ALK: variants seen among roughly 807,000 people sequenced by gnomAD.
ALK encodes ALK receptor tyrosine kinase, also known as ALK tyrosine kinase receptor.
Under a neutral mutation model 163.1 loss-of-function variants are expected in ALK, and 74 were observed. That is an observed-to-expected ratio of 0.45 (90% CI 0.38 to 0.55). The LOEUF is 0.55. ALK is among the 20% of genes least tolerant of loss of function. ALK has a pLI of 0.00. For missense variants in ALK, 2,063 were observed against 2,105.3 expected, an observed-to-expected ratio of 0.98 and a Z score of 0.39; for synonymous variants, 960 against 843.2, an observed-to-expected ratio of 1.14 and a Z score of -2.40.
chr2:29,638,960 T>A (rs753158221), intron 3 of ALK, among the ~76,000 whole-genome samples: 25 of 152,274 alleles, frequency 1.6e-4, no homozygotes, highest in African/African-American at 5.3e-4. Flanking sequence ...TTGCTCCTGC[T>A]CTCTTAGACA....
chr2:29,816,534 T>A (rs902637383), intron 1 of ALK, among the ~76,000 whole-genome samples: 1 of 152,068 alleles, frequency 6.6e-6, no homozygotes, highest in African/African-American at 2.4e-5. Context: ...TCTAAAAGTG[T>A]TTACTAATTA....
chr2:29,499,704 G>A (rs1447524594), intron 4 of ALK, among the ~76,000 whole-genome samples: 1 of 151,756 alleles, frequency 6.6e-6, no homozygotes, highest in Non-Finnish European at 1.5e-5. Context: ...TTTCTCCCCG[G>A]GTGGACTCAT....
intron 23 of ALK, among the ~76,000 whole-genome samples, chr2:29,216,905 T>C (rs1235742569): frequency 6.2e-5 from 9 of 144,612 alleles, no homozygotes; most frequent in African/African-American, 1.8e-4. Context: ...TGTGAGTATA[T>C]GTGGTATATG....
chr2:29,807,086 A>T (rs576565771), intron 1 of ALK, among the ~76,000 whole-genome samples: 9 of 152,366 alleles, frequency 5.9e-5, no homozygotes, highest in African/African-American at 1.9e-4. Flanking sequence ...ATTGAAGATG[A>T]CAATTAAAAC....
chr2:29,762,541 A>G (rs1010711977), intron 1 of ALK, among the ~76,000 whole-genome samples: 1 of 152,192 alleles, frequency 6.6e-6, no homozygotes, highest in Non-Finnish European at 1.5e-5. Context: ...TACCAGATCC[A>G]TGTCTCAGCA....
At chr2:29,820,857 T>C (rs1438017812) in intron 1 of ALK, among the ~76,000 whole-genome samples, 1 of 152,234 alleles carries the variant, frequency 6.6e-6, no homozygotes, top group Non-Finnish European at 1.5e-5. Flanking sequence ...CTACTGCTCC[T>C]ACAGTGTTCT....
At chr2:29,455,505 C>T (rs1670929407) in intron 4 of ALK, among the ~76,000 whole-genome samples, 2 of 152,308 alleles carry the variant, frequency 1.3e-5, no homozygotes, top group South Asian at 4.1e-4. Flanking sequence ...TCACAATCCT[C>T]TCTTTTTTCC....
intron 12 of ALK, among the ~76,000 whole-genome samples, chr2:29,243,231 C>G (rs553339425): frequency 1.6e-3 from 249 of 152,254 alleles, no homozygotes; most frequent in African/African-American, 5.1e-3. Context: ...TCGACTGACC[C>G]CAAGAAGAAG....
At position 29,831,266 on chromosome 2, in the gene ALK, GAA is replaced by G. The variant is rs1665408520; in HGVS notation, c.667+88725_667+88726del. Reference sequence around the variant, plus strand: ...AGAAGAGGAAGAGGAAGAGGAAGAAGAAGAAGAAGAAGAAGAAGAAGAAGAAG... The same window carrying G: ...AGAAGAGGAAGAGGAAGAGGAAGAAGGAAGAAGAAGAAGAAGAAGAAGAAG... On this transcript the variant is annotated intron_variant, in intron 1 of 28. Coordinates refer to ENST00000389048, the MANE Select transcript of ALK (RefSeq NM_004304.5). Among the ~76,000 whole-genome samples, 53 of 89,764 alleles carry G rather than the reference GAA, an allele frequency of 5.9e-4. 1 individual carries two copies. The highest frequency in any genetic ancestry group is 1.5e-3 in the African/African-American group (40 of 25,960). 58.9% of individuals were successfully genotyped at this position (89,764 alleles called of 152,430 possible). A position where few individuals can be genotyped will look rare whatever the true frequency, so the allele number is the denominator to read the frequency against.
chr2:29,787,553 G>T (rs988913914), intron 1 of ALK, among the ~76,000 whole-genome samples: 1 of 152,232 alleles, frequency 6.6e-6, no homozygotes, highest in Non-Finnish European at 1.5e-5. Flanking sequence ...TCCATGGGAC[G>T]TATGCATAGG....
intron 4 of ALK, among the ~76,000 whole-genome samples, chr2:29,476,036 C>G (rs11689294): frequency 0.26 from 39,710 of 152,144 alleles, 5,277 homozygotes; most frequent in East Asian, 0.36. Context: ...AGGGAGCAGC[C>G]TGCTCCTCCA....
chr2:29,557,742 A>C (rs1224424514), intron 3 of ALK, among the ~76,000 whole-genome samples: 1 of 152,210 alleles, frequency 6.6e-6, no homozygotes, highest in African/African-American at 2.4e-5. Flanking sequence ...GTGTGAAAAC[A>C]AGCAAGAACA....
rs1573078740 is a variant in ALK, at chr2:29,193,722, T to G, written c.4365A>C (p.Lys1455Asn). 1 of 1,607,072 alleles carries G rather than the reference T, an allele frequency of 6.2e-7. No homozygotes were observed. Among genetic ancestry groups the G allele is most frequent in the Non-Finnish European group, 8.5e-7 (1 of 1,175,388 alleles). ...PTTSSGKAAKKPTAAEISVRV... is the reference protein window; with the variant it reads ...PTTSSGKAAKNPTAAEISVRV... Reference sequence around the variant, plus strand: ...GAACAGAGATCTCTGCAGCTGTGGGTTTCTTTGCAGCCTTGCCAGAGGAGG... The same window carrying G: ...GAACAGAGATCTCTGCAGCTGTGGGGTTCTTTGCAGCCTTGCCAGAGGAGG... Residue 1455 changes from lysine (K) to asparagine (N), a missense_variant, in exon 29 of 29, where the codon AAA (lysine) becomes AAC (asparagine). Lys to Asn is a moderately conservative substitution (Grantham distance 94). Around this residue, in one of 5 missense-constraint regions of ALK, gnomAD observed 403 missense variants for 366.2 expected, o/e 1.10. Transcript: ENST00000389048.
intron 1 of ALK, among the ~76,000 whole-genome samples, chr2:29,891,477 T>A (rs1667143923): frequency 6.6e-6 from 1 of 152,190 alleles, no homozygotes; most frequent in Non-Finnish European, 1.5e-5. Context: ...GATCAAGCAC[T>A]TCAGATGCCT....
intron 2 of ALK, among the ~76,000 whole-genome samples, chr2:29,715,028 C>T (rs1176638383): frequency 6.6e-6 from 1 of 152,176 alleles, no homozygotes. Context: ...AATGATTTGT[C>T]TGTCCTATGA....
rs191805086 is a variant in ALK at position 29,481,870 on chromosome 2, G to A, written c.1154+50045C>T. ...AGGTGATATTTAAAACTCAGCAACA[G>A]AATGACTTTCTGTTTGATTTTCAAA... is the stretch of plus-strand genomic sequence containing the variant. On this transcript the variant is annotated intron_variant, in intron 4 of 28. Coordinates refer to ENST00000389048, the MANE Select transcript of ALK (RefSeq NM_004304.5). Among the ~76,000 whole-genome samples, 828 of 152,292 alleles carry A rather than the reference G, an allele frequency of 5.4e-3. 6 individuals are homozygous for A. The highest frequency in any genetic ancestry group is 5.0e-3 in the South Asian group (24 of 4,828).
At chr2:29,444,366 CCCCGTGGG>C (rs67525989) in intron 4 of ALK, among the ~76,000 whole-genome samples, 4,116 of 152,244 alleles carry the variant, frequency 0.027, 181 homozygotes, top group African/African-American at 0.094. Flanking sequence ...AAAGGACCTG[CCCCGTGGG>C]TGCTCACTGG....
intron 1 of ALK, among the ~76,000 whole-genome samples, chr2:29,914,151 G>A (rs1420543579): frequency 3.3e-5 from 5 of 152,200 alleles, no homozygotes; most frequent in African/African-American, 9.6e-5. Flanking sequence ...AAAGGCTTAC[G>A]AGAGGACATT....
At chr2:29,709,195 C>T (rs2148300580) in intron 2 of ALK, among the ~76,000 whole-genome samples, 1 of 152,266 alleles carries the variant, frequency 6.6e-6, no homozygotes. Context: ...AAAAAGCAAG[C>T]CTGCTCAAAG....
Sources: gnomAD v4.1 joint callset for allele counts (sites outside exome capture counted in the v4.1 genomes callset) on GRCh38, gnomAD v4.1.1 for gene constraint, gnomAD v4.1.1 regional missense constraint, MANE v1.5 for transcripts, NCBI Gene and HGNC (gene_info 2026-07-23, HGNC 2026-07-21) for gene names.